The following CDH10 variants were observed in gnomAD, a reference collection of about 807,000 sequenced individuals.
CDH10 encodes the protein cadherin-10.
A neutral mutation model predicts 73.1 loss-of-function variants in CDH10; 30 were observed. That is an observed-to-expected ratio of 0.41 (90% confidence interval 0.31 to 0.56). The LOEUF (loss-of-function observed/expected upper bound fraction) is 0.56. CDH10 is among the 20% of genes least tolerant of loss of function. CDH10 has a pLI of 0.27. For synonymous variants in CDH10, 345 were observed against 348.2 expected, an observed-to-expected ratio of 0.99 and a Z score of 0.10; for missense variants, 815 against 973.7, an observed-to-expected ratio of 0.84 and a Z score of 2.17.
At chr5:24,574,831 G>A (rs1272263749) in intron 2 of CDH10, among the ~76,000 whole-genome samples, 15 of 83,178 alleles carry the variant, frequency 1.8e-4, no homozygotes, top group African/African-American at 3.9e-4. Context: ...TAGTTCAAAA[G>A]ATGATAGGAA....
chr5:24,545,347 T>A (rs1290521118), intron 2 of CDH10, among the ~76,000 whole-genome samples: 1 of 152,204 alleles, frequency 6.6e-6, no homozygotes, highest in East Asian at 1.9e-4. Flanking sequence ...TTACAACATT[T>A]AAAAGCAAGA....
At chr5:24,643,647 T>C (rs1395026) in intron 1 of CDH10, among the ~76,000 whole-genome samples, 120,454 of 152,114 alleles carry the variant, frequency 0.79, 48,985 homozygotes, top group South Asian at 0.93. Flanking sequence ...ACCACAATTA[T>C]AGGAAACATC....
intron 8 of CDH10, among the ~76,000 whole-genome samples, chr5:24,500,060 C>T (rs1002893782): frequency 2.0e-5 from 3 of 152,152 alleles, no homozygotes; most frequent in African/African-American, 4.8e-5. Context: ...TGGTCTCAAC[C>T]AACATGGGCT....
chr5:24,530,016 C>CTT (rs34282847), intron 5 of CDH10, among the ~76,000 whole-genome samples: 18,109 of 121,744 alleles, frequency 0.15, 1,845 homozygotes, highest in Admixed American at 0.19. Context: ...TCTATTTTTA[C>CTT]TTTTTTTTTT....
rs186383447 is a variant in CDH10 at position 24,519,423 on chromosome 5, A to G, written c.815-7909T>C. On this transcript the variant is annotated intron_variant, in intron 5 of 11. Coordinates refer to ENST00000264463, the MANE Select transcript of CDH10 (RefSeq NM_006727.5). ...TCTATAAAATAAAGACAATGTGCAGAAAGTTAATCATTTTACAAATAAAGA... is the reference window on the plus strand; with the variant it reads ...TCTATAAAATAAAGACAATGTGCAGGAAGTTAATCATTTTACAAATAAAGA... 1.4e-4 allele frequency among the ~76,000 whole-genome samples: 22 copies of G among 152,300 alleles called. 1 individual carries two copies. In the East Asian group the frequency reaches 4.3e-3, roughly 29 times the overall value.
chr5:24,618,345 T>A (rs1747193961), intron 1 of CDH10, among the ~76,000 whole-genome samples: 1 of 152,190 alleles, frequency 6.6e-6, no homozygotes, highest in South Asian at 2.1e-4. Context: ...GTAAATCATG[T>A]AAAGGTGATT....
chr5:24,538,428 T>C (rs1307728514), intron 2 of CDH10, among the ~76,000 whole-genome samples: 2 of 152,134 alleles, frequency 1.3e-5, no homozygotes, highest in Admixed American at 1.3e-4. Flanking sequence ...TTGCTTCTTT[T>C]CCTGAGCCTG....
chr5:24,597,906 T>C (rs1316357892), intron 1 of CDH10, among the ~76,000 whole-genome samples: 4 of 151,798 alleles, frequency 2.6e-5, no homozygotes, highest in African/African-American at 9.7e-5. Context: ...GTCAATTTAT[T>C]ATGTTGATTA....
chr5:24,518,155 G>C (rs1743178503), intron 5 of CDH10, among the ~76,000 whole-genome samples: 2 of 152,164 alleles, frequency 1.3e-5, no homozygotes, highest in Non-Finnish European at 2.9e-5. Flanking sequence ...TAACTAAGAG[G>C]ACGTTTCCTG....
At chr5:24,594,091 A>T (rs1746290398) in intron 1 of CDH10, among the ~76,000 whole-genome samples, 1 of 145,438 alleles carries the variant, frequency 6.9e-6, no homozygotes, top group Admixed American at 7.1e-5. Flanking sequence ...TCAGAGGTAA[A>T]AGTAAAGGCA....
At chr5:24,551,113 C>T (rs1421795736) in intron 2 of CDH10, among the ~76,000 whole-genome samples, 1 of 152,060 alleles carries the variant, frequency 6.6e-6, no homozygotes, top group Non-Finnish European at 1.5e-5. Flanking sequence ...GTCACTTTGG[C>T]CTCATCCTTT....
chr5:24,609,552 T>C, intron 1 of CDH10, among the ~76,000 whole-genome samples: 1 of 152,172 alleles, frequency 6.6e-6, no homozygotes, highest in East Asian at 1.9e-4. Flanking sequence ...TGAGAATATG[T>C]TAAGACAACC....
chr5:24,622,403 T>C (rs1474547967), intron 1 of CDH10, among the ~76,000 whole-genome samples: 1 of 152,188 alleles, frequency 6.6e-6, no homozygotes, highest in East Asian at 1.9e-4. Flanking sequence ...TTTTCCTGGC[T>C]AGCCACAGCA....
At chr5:24,631,951 G>C (rs1031862343) in intron 1 of CDH10, among the ~76,000 whole-genome samples, 17 of 152,072 alleles carry the variant, frequency 1.1e-4, no homozygotes, top group Middle Eastern at 3.4e-3. Flanking sequence ...TATTTGAGAG[G>C]AAAAAAGTTG....
chr5:24,586,864 AGCCGGAGTCTCGCTCT>A (rs1746028750), intron 2 of CDH10, among the ~76,000 whole-genome samples: 2 of 49,220 alleles, frequency 4.1e-5, no homozygotes, highest in South Asian at 1.0e-3. Context: ...TTTTTTTTTG[AGCCGGAGTCTCGCTCT>A]GTCGCCCAGG....
intron 1 of CDH10, among the ~76,000 whole-genome samples, chr5:24,595,138 T>C (rs1029540410): frequency 4.0e-5 from 6 of 151,828 alleles, no homozygotes; most frequent in African/African-American, 1.4e-4. Context: ...TATTGTCTTT[T>C]GTTTCCTAAT....
chr5:24,491,530 A>G (rs2111634937), intron 11 of CDH10, 46 bp downstream of exon 11: 1 of 1,543,614 alleles, frequency 6.5e-7, no homozygotes, highest in Non-Finnish European at 8.8e-7. Flanking sequence ...TCAAAATCAT[A>G]CTAAAGAGCC....
At chr5:24,586,664 C>T (rs925429989) in intron 2 of CDH10, among the ~76,000 whole-genome samples, 45 of 151,402 alleles carry the variant, frequency 3.0e-4, no homozygotes, top group African/African-American at 1.1e-3. Flanking sequence ...AGGCTGGTCT[C>T]GAACTCCTGA....
intron 1 of CDH10, among the ~76,000 whole-genome samples, chr5:24,631,368 T>G (rs975590246): frequency 6.6e-6 from 1 of 152,060 alleles, no homozygotes; most frequent in African/African-American, 2.4e-5. Context: ...TTGCCTAACG[T>G]GTTGCCTTCT....
Sources: allele counts gnomAD v4.1 joint callset (sites outside exome capture counted in the v4.1 genomes callset), GRCh38; gene constraint gnomAD v4.1.1; transcripts MANE v1.5; gene names NCBI Gene and HGNC (gene_info 2026-07-23, HGNC 2026-07-21).